Variants in TRPC7 observed in about 807,000 individuals in gnomAD.
TRPC7 encodes the protein short transient receptor potential channel 7.
TRPC7 carries 42 observed loss-of-function variants against 90.1 expected under a neutral mutation model. The observed-to-expected ratio is 0.47, with a 90% CI of 0.36 to 0.60. The LOEUF (loss-of-function observed/expected upper bound fraction) is 0.60. Ranked by LOEUF, TRPC7 falls within the 20% of genes least tolerant of loss-of-function variation. The pLI is 0.00. For synonymous variants in TRPC7, 451 were observed against 436.3 expected, an observed-to-expected ratio of 1.03 and a Z score of -0.42; for missense variants, 955 against 1,112.3, an observed-to-expected ratio of 0.86 and a Z score of 2.01.
chr5:136,266,336 A>G lies in TRPC7; in HGVS notation c.1229T>C (p.Phe410Ser), dbSNP rs770351367. ...GLLVVNASDR[F>S]EGVKTLPNET... is the part of the protein sequence containing the mutation. ...GTTTGGCAGGGTTTTAACACCTTCA[A>G]ATCGGTCAGATGCATTCACAACTAA... The change falls in exon 5 of 12, where the codon TTT becomes TCT. Residue 410 changes from phenylalanine to serine, a missense_variant. Physicochemically the swap from Phe to Ser is radical, Grantham distance 155. This residue lies in a region of TRPC7 where 484 missense variants were observed against 509.6 expected (regional missense o/e 0.95). Transcript: ENST00000513104. 6.8e-6 allele frequency: 11 copies of G among 1,613,792 alleles called. No individual in the cohort carries two copies. Among genetic ancestry groups the G allele is most frequent in the African/African-American group, 2.7e-5 (2 of 74,930 alleles).
At chr5:136,286,445 T>A (rs917006641) in intron 3 of TRPC7, among the ~76,000 whole-genome samples, 12 of 152,202 alleles carry the variant, frequency 7.9e-5, no homozygotes, top group Admixed American at 1.3e-4. Context: ...CATACTATAG[T>A]CCAGCTTCCC....
intron 7 of TRPC7, among the ~76,000 whole-genome samples, chr5:136,237,274 G>C (rs1756012744): frequency 6.6e-6 from 1 of 152,170 alleles, no homozygotes; most frequent in Admixed American, 6.6e-5. Context: ...TGGGGCCACA[G>C]AACTGATGCC....
At chr5:136,321,838 T>C (rs1759208904) in intron 2 of TRPC7, among the ~76,000 whole-genome samples, 1 of 152,198 alleles carries the variant, frequency 6.6e-6, no homozygotes, top group Admixed American at 6.5e-5. Flanking sequence ...TCCCTCAGCT[T>C]GATCACTTTG....
intron 3 of TRPC7, among the ~76,000 whole-genome samples, chr5:136,306,057 C>T (rs189908154): frequency 1.3e-5 from 2 of 152,276 alleles, no homozygotes; most frequent in Admixed American, 1.3e-4. Flanking sequence ...TCTAGTCATA[C>T]TCCTATTCTC....
intron 2 of TRPC7, among the ~76,000 whole-genome samples, chr5:136,355,728 G>A (rs902146119): frequency 6.6e-6 from 1 of 152,188 alleles, no homozygotes; most frequent in African/African-American, 2.4e-5. Flanking sequence ...AACCCAGGAG[G>A]CAGAGCTTGC....
chr5:136,282,808 C>T (rs1263657510), intron 3 of TRPC7, among the ~76,000 whole-genome samples: 1 of 152,156 alleles, frequency 6.6e-6, no homozygotes, highest in Non-Finnish European at 1.5e-5. Flanking sequence ...AGTGATCCAT[C>T]CATCCACCAG....
chr5:136,240,066 C>T (rs892126340), intron 7 of TRPC7, among the ~76,000 whole-genome samples: 1 of 152,228 alleles, frequency 6.6e-6, no homozygotes, highest in African/African-American at 2.4e-5. Flanking sequence ...AACACTCTAT[C>T]AGGACTTATG....
chr5:136,322,882 T>C (rs1580954254), intron 2 of TRPC7, among the ~76,000 whole-genome samples: 1 of 152,358 alleles, frequency 6.6e-6, no homozygotes, highest in Non-Finnish European at 1.5e-5. Context: ...CAATTCCTTT[T>C]TAAGAGATAG....
chr5:136,300,013 A>G (rs962209562), intron 3 of TRPC7, among the ~76,000 whole-genome samples: 1 of 152,196 alleles, frequency 6.6e-6, no homozygotes, highest in Non-Finnish European at 1.5e-5. Context: ...AGCTAAGTCT[A>G]TGTGGCTTAG....
intron 4 of TRPC7, among the ~76,000 whole-genome samples, chr5:136,271,768 C>T (rs992968531): frequency 9.9e-5 from 15 of 152,150 alleles, no homozygotes; most frequent in African/African-American, 3.4e-4. Context: ...TTATACGTAG[C>T]CATCTGTGAC....
chr5:136,234,819 A>G (rs780996099), intron 7 of TRPC7, among the ~76,000 whole-genome samples: 4 of 152,216 alleles, frequency 2.6e-5, no homozygotes, highest in Non-Finnish European at 5.9e-5. Context: ...AAGTGGACTA[A>G]CTGAATAGAC....
chr5:136,264,294 C>A (rs1756954504), intron 5 of TRPC7, among the ~76,000 whole-genome samples: 1 of 152,164 alleles, frequency 6.6e-6, no homozygotes, highest in Admixed American at 6.5e-5. Flanking sequence ...AGTATGGTTG[C>A]ATTTACCAGA....
chr5:136,265,189 G>A (rs915596339), intron 5 of TRPC7, among the ~76,000 whole-genome samples: 2 of 152,206 alleles, frequency 1.3e-5, no homozygotes, highest in Non-Finnish European at 2.9e-5. Flanking sequence ...CATTGTTTGT[G>A]AATATAAACA....
At chr5:136,361,559 A>G (rs1760570083) in intron 1 of TRPC7, among the ~76,000 whole-genome samples, 1 of 152,190 alleles carries the variant, frequency 6.6e-6, no homozygotes, top group Non-Finnish European at 1.5e-5. Context: ...CCTTTTGGAG[A>G]CAGAAATTGT....
intron 3 of TRPC7, among the ~76,000 whole-genome samples, chr5:136,305,205 C>T (rs866593342): frequency 7.2e-5 from 11 of 152,192 alleles, no homozygotes; most frequent in Non-Finnish European, 1.3e-4. Flanking sequence ...ACCCCCATGA[C>T]TGTATCTCTC....
chr5:136,347,766 C>T (rs1443239716), intron 2 of TRPC7, among the ~76,000 whole-genome samples: 4 of 152,176 alleles, frequency 2.6e-5, no homozygotes, highest in African/African-American at 9.6e-5. Context: ...TTACTGGGCT[C>T]CTGTCTTACA....
chr5:136,231,378 T>C lies in TRPC7; in HGVS notation c.2016A>G (p.Ile672Met), dbSNP rs1216597903. 2 of 1,598,348 alleles carry C rather than the reference T, an allele frequency of 1.3e-6. No individual in the cohort carries two copies. Among genetic ancestry groups the C allele is most frequent in the East Asian group, 2.3e-5 (1 of 44,402 alleles). Residue 672 changes from isoleucine to methionine, a missense_variant, in exon 8 of 12, where the codon ATA (isoleucine) becomes ATG (methionine). Physicochemically the swap from Ile to Met is conservative, Grantham distance 10 (BLOSUM62 1). This residue lies in a region of TRPC7 where 296 missense variants were observed against 422.7 expected (regional missense o/e 0.70). Coordinates refer to ENST00000513104, the MANE Select transcript of TRPC7 (RefSeq NM_020389.3). ...CCTCAATTTCCTGATAGGAGTTGTT[T>C]ATCATGGCTATTAGCATGTTGAGCA... ...VVLLNMLIAMINNSYQEIEED... is the reference protein window; with the variant it reads ...VVLLNMLIAMMNNSYQEIEED...
intron 3 of TRPC7, among the ~76,000 whole-genome samples, chr5:136,291,270 G>A (rs1435041913): frequency 6.6e-6 from 1 of 152,164 alleles, no homozygotes; most frequent in Non-Finnish European, 1.5e-5. Flanking sequence ...CATAATGAAA[G>A]GATCAAATTC....
chr5:136,329,953 C>A (rs1005773281), intron 2 of TRPC7, among the ~76,000 whole-genome samples: 4 of 152,146 alleles, frequency 2.6e-5, no homozygotes, highest in African/African-American at 4.8e-5. Context: ...ACCCAGCATT[C>A]TCTGTTTTCT....
Sources: gnomAD v4.1 joint callset for allele counts (sites outside exome capture counted in the v4.1 genomes callset) on GRCh38, gnomAD v4.1.1 for gene constraint, gnomAD v4.1.1 regional missense constraint, MANE v1.5 for transcripts, NCBI Gene and HGNC (gene_info 2026-07-23, HGNC 2026-07-21) for gene names.